Variants in SPAG16 observed in about 807,000 individuals in gnomAD.
The protein encoded by SPAG16 is sperm-associated antigen 16 protein.
SPAG16 carries 86 observed loss-of-function variants against 80.4 expected under a neutral mutation model. That is an observed-to-expected ratio of 1.07 (90% confidence interval 0.90 to 1.28). The LOEUF is 1.28. Ranked by LOEUF, SPAG16 falls within the 50% of genes most tolerant of loss-of-function variation. SPAG16 has a pLI of 0.00. For synonymous variants in SPAG16, 294 were observed against 265.9 expected (o/e 1.11, Z -1.03); for missense variants, 870 against 765.3 (o/e 1.14, Z -1.61).
intron 10 of SPAG16, among the ~76,000 whole-genome samples, chr2:213,669,203 T>C (rs930772366): frequency 6.6e-6 from 1 of 152,232 alleles, no homozygotes; most frequent in African/African-American, 2.4e-5. Context: ...ATAGATATGA[T>C]GTGAAAATTG....
chr2:213,717,069 G>A (rs2066266680), intron 10 of SPAG16, among the ~76,000 whole-genome samples: 1 of 151,716 alleles, frequency 6.6e-6, no homozygotes, highest in Admixed American at 6.6e-5. Flanking sequence ...AATTGTTTCT[G>A]TAAGGTCGAA....
intron 10 of SPAG16, among the ~76,000 whole-genome samples, chr2:213,596,837 A>G (rs970465142): frequency 6.6e-6 from 1 of 152,152 alleles, no homozygotes; most frequent in Non-Finnish European, 1.5e-5. Context: ...ATGAATCTGT[A>G]GTCACCAAGC....
At chr2:213,902,691 C>T (rs545526338) in intron 11 of SPAG16, among the ~76,000 whole-genome samples, 1 of 152,284 alleles carries the variant, frequency 6.6e-6, no homozygotes, top group South Asian at 2.1e-4. Context: ...CCTCACATTT[C>T]AAAACCAATC....
At chr2:214,080,659 C>A (rs529586565) in intron 13 of SPAG16, among the ~76,000 whole-genome samples, 1 of 151,084 alleles carries the variant, frequency 6.6e-6, no homozygotes, top group South Asian at 2.1e-4. Flanking sequence ...AAAATTCTAA[C>A]CACATTAAAG....
chr2:213,827,899 A>G lies in SPAG16; in HGVS notation c.1071-34586A>G, dbSNP rs531765451. Reference sequence around the variant, plus strand: ...GCCAGAGGTATTGGAGCTCCATTGCATATTATTTGTTTCTTTTCTCTTGCT... The same window carrying G: ...GCCAGAGGTATTGGAGCTCCATTGCGTATTATTTGTTTCTTTTCTCTTGCT... On this transcript the variant is annotated intron_variant, in intron 10 of 15. Transcript: ENST00000331683. Among the ~76,000 whole-genome samples, 204 of 151,832 alleles carry G rather than the reference A, an allele frequency of 1.3e-3. 1 individual carries two copies. The highest frequency in any genetic ancestry group is 2.7e-4 in the Non-Finnish European group (18 of 67,922).
At chr2:213,335,112 T>C (rs996788473) in intron 5 of SPAG16, among the ~76,000 whole-genome samples, 3 of 152,192 alleles carry the variant, frequency 2.0e-5, no homozygotes, top group Non-Finnish European at 4.4e-5. Flanking sequence ...TTAAAAATTA[T>C]ATTTTCATTT....
chr2:213,615,228 A>G (rs182467697), intron 10 of SPAG16, among the ~76,000 whole-genome samples: 39 of 152,374 alleles, frequency 2.6e-4, no homozygotes, highest in African/African-American at 8.9e-4. Flanking sequence ...CTACAGGAGT[A>G]CCAAAATTGT....
At chr2:213,800,207 A>T (rs1419193786) in intron 10 of SPAG16, among the ~76,000 whole-genome samples, 1 of 151,956 alleles carries the variant, frequency 6.6e-6, no homozygotes, top group Non-Finnish European at 1.5e-5. Context: ...TGATCACCTA[A>T]TATCCTGGTT....
At chr2:214,046,207 A>G (rs1381001078) in intron 13 of SPAG16, among the ~76,000 whole-genome samples, 2 of 152,194 alleles carry the variant, frequency 1.3e-5, no homozygotes, top group Non-Finnish European at 2.9e-5. Context: ...TAGTTGTAAT[A>G]AAAACTCTCC....
At chr2:214,251,191 A>ACACACACCTG in intron 15 of SPAG16, among the ~76,000 whole-genome samples, 1 of 151,972 alleles carries the variant, frequency 6.6e-6, no homozygotes, top group African/African-American at 2.4e-5. Flanking sequence ...ATATTTTCAC[A>ACACACACCTG]CACACACCTG....
At chr2:214,104,446 T>A (rs2053263602) in intron 13 of SPAG16, among the ~76,000 whole-genome samples, 1 of 152,046 alleles carries the variant, frequency 6.6e-6, no homozygotes. Flanking sequence ...AGGAGGCTCC[T>A]GCCATAGTCA....
chr2:213,987,441 A>G (rs193180291), intron 12 of SPAG16, among the ~76,000 whole-genome samples: 17 of 152,156 alleles, frequency 1.1e-4, no homozygotes, highest in African/African-American at 3.9e-4. Context: ...TCTCAGACTG[A>G]TTTTCTGATA....
intron 5 of SPAG16, among the ~76,000 whole-genome samples, chr2:213,320,395 A>AT (rs1188007350): frequency 3.9e-5 from 6 of 151,954 alleles, no homozygotes; most frequent in Non-Finnish European, 8.8e-5. Flanking sequence ...AACATTTATG[A>AT]TTTTTTGTGT....
At chr2:213,859,388 A>C (rs1411963647) in intron 10 of SPAG16, among the ~76,000 whole-genome samples, 4 of 151,998 alleles carry the variant, frequency 2.6e-5, no homozygotes, top group Admixed American at 2.6e-4. Flanking sequence ...TGGCAGTACC[A>C]GAGCATATTA....
At chr2:213,450,670 A>G (rs2125572629) in intron 9 of SPAG16, among the ~76,000 whole-genome samples, 1 of 152,144 alleles carries the variant, frequency 6.6e-6, no homozygotes, top group Admixed American at 6.5e-5. Flanking sequence ...TAGATTTTTT[A>G]TTTATGATTT....
At chr2:213,702,837 A>C (rs1240241511) in intron 10 of SPAG16, among the ~76,000 whole-genome samples, 1 of 152,208 alleles carries the variant, frequency 6.6e-6, no homozygotes, top group African/African-American at 2.4e-5. Context: ...TGGCATGGAA[A>C]ACAACAAGCT....
chr2:214,093,563 G>C (rs1448556278), intron 13 of SPAG16, among the ~76,000 whole-genome samples: 1 of 151,952 alleles, frequency 6.6e-6, no homozygotes, highest in Non-Finnish European at 1.5e-5. Context: ...ATCTTTGTGT[G>C]TATGTGATTG....
chr2:214,118,339 C>T (rs569284365), intron 14 of SPAG16, among the ~76,000 whole-genome samples: 1 of 152,054 alleles, frequency 6.6e-6, no homozygotes, highest in African/African-American at 2.4e-5. Context: ...GAAGAGGACA[C>T]TAATAAATGG....
At chr2:214,233,341 AATAATGATGATGATGATGATG>A (rs1394297077) in intron 15 of SPAG16, among the ~76,000 whole-genome samples, 4 of 81,744 alleles carry the variant, frequency 4.9e-5, no homozygotes, top group Non-Finnish European at 1.1e-4. Context: ...AAAAATAGAT[AATAATGATGATGATGATGATG>A]ATGATGATGA....
Sources: gnomAD v4.1 joint callset for allele counts (sites outside exome capture counted in the v4.1 genomes callset) on GRCh38, gnomAD v4.1.1 for gene constraint, MANE v1.5 for transcripts, NCBI Gene and HGNC (gene_info 2026-07-23, HGNC 2026-07-21) for gene names.